Variants in USP54 observed in about 807,000 individuals in gnomAD.
USP54 encodes the protein ubiquitin specific peptidase 54, also known as ubiquitin carboxyl-terminal hydrolase 54.
In USP54, 87 loss-of-function variants were observed where a neutral mutation model predicts 170.5. That is an observed-to-expected ratio of 0.51 (90% CI 0.43 to 0.61). The LOEUF (loss-of-function observed/expected upper bound fraction) is 0.61. Among genes scored for constraint, USP54 ranks in the 20% least tolerant of loss-of-function variants. The pLI is 0.00. For missense variants in USP54, 1,786 were observed against 2,047.8 expected (o/e 0.87, Z 2.47); for synonymous variants, 655 against 742.8 (o/e 0.88, Z 1.92).
chr10:73,602,800 G>A (rs2132272362), intron 1 of USP54, among the ~76,000 whole-genome samples: 1 of 135,506 alleles, frequency 7.4e-6, no homozygotes, highest in East Asian at 2.3e-4. Flanking sequence ...AGGTTGCAGT[G>A]AGCTGAGATC....
At chr10:73,573,972 C>G (rs895466009) in intron 3 of USP54, among the ~76,000 whole-genome samples, 2 of 152,182 alleles carry the variant, frequency 1.3e-5, no homozygotes, top group African/African-American at 4.8e-5. Flanking sequence ...ATCTTGTCTT[C>G]TCTCATAGCA....
intron 4 of USP54, among the ~76,000 whole-genome samples, chr10:73,551,119 T>G (rs1299110942): frequency 6.6e-6 from 1 of 151,890 alleles, no homozygotes; most frequent in African/African-American, 2.4e-5. Context: ...AAATAAATTG[T>G]TTTTCCCATT....
At chr10:73,598,353 TTAAA>T (rs1229454903) in intron 1 of USP54, among the ~76,000 whole-genome samples, 1 of 152,140 alleles carries the variant, frequency 6.6e-6, no homozygotes, top group Non-Finnish European at 1.5e-5. Context: ...GATCAAAAAC[TTAAA>T]TGAATGAGCT....
chr10:73,577,515 A>G (rs1252976329), intron 1 of USP54, among the ~76,000 whole-genome samples: 1 of 152,108 alleles, frequency 6.6e-6, no homozygotes, highest in African/African-American at 2.4e-5. Flanking sequence ...TAATATGACT[A>G]CATGAAATGA....
intron 19 of USP54, chr10:73,518,211 G>A (rs1419991399): frequency 1.2e-5 from 12 of 985,222 alleles, no homozygotes; most frequent in South Asian, 9.4e-5. Context: ...GAGGCAGCCC[G>A]GCCAAAGGAA....
At chr10:73,557,945 C>T (rs928868314) in intron 4 of USP54, among the ~76,000 whole-genome samples, 4 of 137,324 alleles carry the variant, frequency 2.9e-5, no homozygotes, top group Admixed American at 8.0e-5. Context: ...TGCAGTGGCT[C>T]GATCTCGGCT....
chr10:73,598,905 A>C (rs2078953813), intron 1 of USP54, among the ~76,000 whole-genome samples: 1 of 150,334 alleles, frequency 6.7e-6, no homozygotes, highest in Non-Finnish European at 1.5e-5. Context: ...GGCGACAGAG[A>C]GAGACTCTGT....
At chr10:73,543,207 C>A (rs1362905548) in intron 5 of USP54, 76 bp from the exon 6 acceptor site, 2 of 1,017,630 alleles carry the variant, frequency 2.0e-6, no homozygotes, top group South Asian at 1.4e-5. Context: ...GCAGCTTACC[C>A]ATAGAAACAG....
intron 1 of USP54, among the ~76,000 whole-genome samples, chr10:73,612,216 T>C (rs2080206450): frequency 6.6e-6 from 1 of 152,212 alleles, no homozygotes; most frequent in Non-Finnish European, 1.5e-5. Context: ...TTTAATCTGA[T>C]CAATTTTATT....
chr10:73,502,020 T>A (rs1036401910), intron 22 of USP54, among the ~76,000 whole-genome samples: 1 of 152,236 alleles, frequency 6.6e-6, no homozygotes, highest in Non-Finnish European at 1.5e-5. Context: ...TGTCATTTAT[T>A]TGTTTATTGT....
At chr10:73,517,884 T>A in intron 19 of USP54, 137 bp from the exon 20 acceptor site, 1 of 1,137,772 alleles carries the variant, frequency 8.8e-7, no homozygotes, top group Non-Finnish European at 1.2e-6. Context: ...CAAGCACAAG[T>A]AGAGTCAGTA....
At chr10:73,518,091 G>A (rs2061335645) in intron 19 of USP54, 1 of 807,692 alleles carries the variant, frequency 1.2e-6, no homozygotes, top group African/African-American at 1.9e-5. Flanking sequence ...AAATCAGCTA[G>A]TCTCACATGC....
chr10:73,600,646 G>T (rs2079094508), intron 1 of USP54, among the ~76,000 whole-genome samples: 1 of 152,234 alleles, frequency 6.6e-6, no homozygotes, highest in Admixed American at 6.5e-5. Context: ...AGGCGCAGGG[G>T]CTCGCGCCTA....
chr10:73,517,803 C>T lies in USP54; in HGVS notation c.2679-56G>A. 2.6e-6 allele frequency: 4 copies of T among 1,532,110 alleles called. No homozygotes were observed. The South Asian group carries it at 3.8e-5, about 15-fold the overall frequency. The allele number at this position is 1,532,110 out of a possible 1,614,324, so 94.9% of individuals were successfully genotyped here. A position where few individuals can be genotyped will look rare whatever the true frequency, so the allele number is the denominator to read the frequency against. ...CTGCCTTGACTGACAGGAACACTTA[C>T]AGAAAGAACTCAACATTCCATTCCC... is the stretch of plus-strand genomic sequence containing the variant. On this transcript the variant is annotated intron_variant, in intron 19 of 23. Transcript: ENST00000687698.
intron 12 of USP54, 118 bp downstream of exon 12, chr10:73,534,482 C>T: frequency 7.9e-7 from 1 of 1,265,618 alleles, no homozygotes; most frequent in Non-Finnish European, 1.1e-6. Context: ...GCCTCGGCCT[C>T]CCAAAGTGCT....
intron 4 of USP54, among the ~76,000 whole-genome samples, chr10:73,561,393 G>C (rs1223211976): frequency 6.6e-6 from 1 of 152,132 alleles, no homozygotes; most frequent in African/African-American, 2.4e-5. Flanking sequence ...GGGAGGCCAA[G>C]GCAGGAGGAT....
Position 73,565,283 on chromosome 10 carries a change from G to A in USP54, c.240+6138C>T, listed in dbSNP as rs148222018. Among the ~76,000 whole-genome samples the A allele has an allele frequency of 5.7e-4, 86 of 152,064 alleles. No individual in the cohort carries two copies. In the East Asian group the frequency reaches 0.015, roughly 26 times the overall value. Reference sequence around the variant, plus strand: ...TGTAATCCCAGCACTTTTGGAAGCCGAAGTGAAAGGACTGCTTGAGCCCAG... The same window carrying A: ...TGTAATCCCAGCACTTTTGGAAGCCAAAGTGAAAGGACTGCTTGAGCCCAG... On this transcript the variant is annotated intron_variant, in intron 4 of 23. Transcript: ENST00000687698.
Position 73,498,881 on chromosome 10 carries a change from A to G in USP54, c.4803T>C (p.His1601=). ...FHSPSHPPIV[H]PVYPPSSSLH... ...GACTGCTAGATGGTGGGTACACAGG[A>G]TGAACAATGGGAGGGTGGGAGGGTG... The change falls in exon 24 of 24, where the codon CAT becomes CAC. Residue 1601 remains histidine, a synonymous_variant. Coordinates refer to ENST00000687698, the MANE Select transcript of USP54 (RefSeq NM_001391956.1). 1 of 914,634 alleles carries G rather than the reference A, an allele frequency of 1.1e-6. No homozygotes were observed. The highest frequency in any genetic ancestry group is 1.7e-6 in the Non-Finnish European group (1 of 582,130). 56.7% of individuals were successfully genotyped at this position (914,634 alleles called of 1,614,324 possible). A position where few individuals can be genotyped will look rare whatever the true frequency, so the allele number is the denominator to read the frequency against.
At chr10:73,535,515 C>A (rs1297138963) in intron 11 of USP54, among the ~76,000 whole-genome samples, 1 of 152,178 alleles carries the variant, frequency 6.6e-6, no homozygotes, top group Non-Finnish European at 1.5e-5. Flanking sequence ...AATAATATTT[C>A]TTCCTCCTTT....
Sources: allele counts gnomAD v4.1 joint callset (sites outside exome capture counted in the v4.1 genomes callset), GRCh38; gene constraint gnomAD v4.1.1; transcripts MANE v1.5; gene names NCBI Gene and HGNC (gene_info 2026-07-23, HGNC 2026-07-21).